SPECC1L: variants seen among roughly 807,000 people sequenced by gnomAD.
SPECC1L encodes sperm antigen with calponin homology and coiled-coil domains 1 like, also known as cytospin-A.
In SPECC1L, 40 loss-of-function variants were observed where a neutral mutation model predicts 116.8. The observed-to-expected ratio is 0.34, with a 90% CI of 0.27 to 0.45. SPECC1L has a LOEUF of 0.45. Among genes scored for constraint, SPECC1L ranks in the 20% least tolerant of loss-of-function variants. The pLI is 1.00. For missense variants in SPECC1L, 1,110 were observed against 1,373.6 expected (o/e 0.81, Z 3.03); for synonymous variants, 504 against 500.6 (o/e 1.01, Z -0.09).
At chr22:24,336,362 TA>T (rs2041055939) in intron 9 of SPECC1L, among the ~76,000 whole-genome samples, 1 of 152,106 alleles carries the variant, frequency 6.6e-6, no homozygotes, top group African/African-American at 2.4e-5. Flanking sequence ...TTTTTGCATT[TA>T]AAGTGCAAGA....
In SPECC1L at chr22:24,415,086, C is replaced by T. The variant is rs111681805; in HGVS notation, c.*463C>T. 14 of 224,762 alleles carry T rather than the reference C, an allele frequency of 6.2e-5. No individual in the cohort carries two copies. Among genetic ancestry groups the T allele is most frequent in the Admixed American group, 1.0e-4 (2 of 19,554 alleles). The allele number at this position is 224,762 out of a possible 1,614,324, so 13.9% of individuals were successfully genotyped here. A position where few individuals can be genotyped will look rare whatever the true frequency, so the allele number is the denominator to read the frequency against. Reference sequence around the variant, plus strand: ...GGTGAGAACCCAGAAGGAGAGTCAGCGCCTGGCAGTTCCCAGCGCCCTGGG... The same window carrying T: ...GGTGAGAACCCAGAAGGAGAGTCAGTGCCTGGCAGTTCCCAGCGCCCTGGG... On this transcript the variant is annotated 3_prime_UTR_variant, in exon 17 of 17. Coordinates refer to ENST00000314328, the MANE Select transcript of SPECC1L (RefSeq NM_015330.6).
At chr22:24,385,716 A>T (rs762088933) in intron 14 of SPECC1L, among the ~76,000 whole-genome samples, 1 of 152,242 alleles carries the variant, frequency 6.6e-6, no homozygotes, top group Non-Finnish European at 1.5e-5. Context: ...AGAGCATATC[A>T]TAAATTCATA....
intron 14 of SPECC1L, among the ~76,000 whole-genome samples, chr22:24,390,503 G>T (rs1218797269): frequency 2.0e-5 from 3 of 152,182 alleles, no homozygotes; most frequent in African/African-American, 7.2e-5. Flanking sequence ...AATCTAGGTT[G>T]AAAGTCTAAA....
At chr22:24,348,937 C>CT (rs1012015341) in intron 11 of SPECC1L, among the ~76,000 whole-genome samples, 3 of 152,204 alleles carry the variant, frequency 2.0e-5, no homozygotes, top group African/African-American at 7.2e-5. Context: ...GTTGAGCACT[C>CT]TGTCTTCTAG....
In SPECC1L at chr22:24,321,539, G is replaced by A; in HGVS notation, c.559G>A (p.Asp187Asn). 6.2e-7 allele frequency: 1 copy of A among 1,614,196 alleles called. No individual in the cohort carries two copies. The highest frequency in any genetic ancestry group is 2.2e-5 in the East Asian group (1 of 44,882). Residue 187 changes from aspartate (D) to asparagine (N), a missense_variant, in exon 5 of 17, where the codon GAT becomes AAT. By Grantham distance (23) the Asp-to-Asn change is conservative. This residue lies in a region of SPECC1L where 437 missense variants were observed against 482.6 expected (regional missense o/e 0.91). Coordinates refer to ENST00000314328, the MANE Select transcript of SPECC1L (RefSeq NM_015330.6). Reference sequence around the variant, plus strand: ...AGCTGCTTTGGAGGCCAAAGTGAAGGATCTTCTCACGCTGGCAAAAACCAA... The same window carrying A: ...AGCTGCTTTGGAGGCCAAAGTGAAGAATCTTCTCACGCTGGCAAAAACCAA... ...DRAALEAKVK[D>N]LLTLAKTKDV...
chr22:24,363,202 T>C, intron 11 of SPECC1L, 59 bp from the exon 12 acceptor site: 1 of 1,439,668 alleles, frequency 6.9e-7, no homozygotes, highest in Non-Finnish European at 9.8e-7. Context: ...CTTTGTACCT[T>C]TATTACTTTA....
intron 16 of SPECC1L, among the ~76,000 whole-genome samples, 161 bp from the exon 17 acceptor site, chr22:24,414,373 G>A (rs2042762555): frequency 6.6e-6 from 1 of 152,206 alleles, no homozygotes. Flanking sequence ...GATGCCCAGG[G>A]AGGAAGCATT....
At chr22:24,318,403 C>T (rs1569418565) in intron 4 of SPECC1L, among the ~76,000 whole-genome samples, 2 of 152,088 alleles carry the variant, frequency 1.3e-5, no homozygotes, top group African/African-American at 4.8e-5. Context: ...CGCCTGCAAT[C>T]GCAGGCACTC....
intron 1 of SPECC1L, among the ~76,000 whole-genome samples, chr22:24,272,225 A>G (rs2048741133): frequency 6.6e-6 from 1 of 151,906 alleles, no homozygotes; most frequent in South Asian, 2.1e-4. Context: ...TACTAAAAAT[A>G]CAAAAAGCGC....
chr22:24,386,491 T>G (rs1351028591), intron 14 of SPECC1L, among the ~76,000 whole-genome samples: 2 of 152,046 alleles, frequency 1.3e-5, no homozygotes, highest in African/African-American at 4.8e-5. Flanking sequence ...GAAATAAAAT[T>G]GTTTCCAGAC....
chr22:24,314,585 C>G (rs1291336265), intron 4 of SPECC1L, among the ~76,000 whole-genome samples: 1 of 152,024 alleles, frequency 6.6e-6, no homozygotes, highest in Admixed American at 6.6e-5. Context: ...TGGGTTTATC[C>G]TGATTCTTGC....
intron 11 of SPECC1L, among the ~76,000 whole-genome samples, chr22:24,348,182 T>A (rs2041343007): frequency 6.6e-6 from 1 of 152,096 alleles, no homozygotes; most frequent in Non-Finnish European, 1.5e-5. Flanking sequence ...AAGTGTCCCC[T>A]CAGGGCCTGA....
At chr22:24,387,195 A>C (rs568831371) in intron 14 of SPECC1L, among the ~76,000 whole-genome samples, 14 of 152,346 alleles carry the variant, frequency 9.2e-5, no homozygotes, top group African/African-American at 2.6e-4. Flanking sequence ...GAATTGTGAT[A>C]TATAAGGTAC....
chr22:24,287,096 G>C (rs2049057529), intron 2 of SPECC1L, among the ~76,000 whole-genome samples: 1 of 152,178 alleles, frequency 6.6e-6, no homozygotes, highest in African/African-American at 2.4e-5. Flanking sequence ...GGACACGGCA[G>C]TGGAGCTGAG....
intron 14 of SPECC1L, among the ~76,000 whole-genome samples, chr22:24,375,302 T>TGC (rs1316156067): frequency 6.6e-6 from 1 of 152,016 alleles, no homozygotes; most frequent in Non-Finnish European, 1.5e-5. Context: ...TCAAAGAAAA[T>TGC]ATTACTTCCT....
chr22:24,383,046 A>C (rs755931085), intron 14 of SPECC1L, among the ~76,000 whole-genome samples: 2 of 152,242 alleles, frequency 1.3e-5, no homozygotes, highest in Non-Finnish European at 1.5e-5. Flanking sequence ...GTAGGTAGAC[A>C]AAAAAATTAG....
At chr22:24,346,157 C>T (rs1262338597) in intron 10 of SPECC1L, among the ~76,000 whole-genome samples, 1 of 152,036 alleles carries the variant, frequency 6.6e-6, no homozygotes, top group African/African-American at 2.4e-5. Context: ...CAGGCGCCTG[C>T]CACCACGCCC....
chr22:24,355,632 A>T (rs2041518104), intron 11 of SPECC1L, among the ~76,000 whole-genome samples: 2 of 152,134 alleles, frequency 1.3e-5, no homozygotes, highest in Non-Finnish European at 2.9e-5. Context: ...GGGGTGAGAA[A>T]CTTGGCTCTC....
chr22:24,345,725 T>C (rs2041278203), intron 10 of SPECC1L, among the ~76,000 whole-genome samples: 1 of 152,190 alleles, frequency 6.6e-6, no homozygotes, highest in Non-Finnish European at 1.5e-5. Flanking sequence ...TTCTATATTC[T>C]TCCAAATGGC....
Sources: gnomAD v4.1 joint callset for allele counts (sites outside exome capture counted in the v4.1 genomes callset) on GRCh38, gnomAD v4.1.1 for gene constraint, gnomAD v4.1.1 regional missense constraint, MANE v1.5 for transcripts, NCBI Gene and HGNC (gene_info 2026-07-23, HGNC 2026-07-21) for gene names.